ADGRE2: variants seen among roughly 807,000 people sequenced by gnomAD.
ADGRE2 encodes CD97 antigen.
Under a neutral mutation model 100.8 loss-of-function variants are expected in ADGRE2, and 83 were observed. That is an observed-to-expected ratio of 0.82 (90% CI 0.69 to 0.99). The LOEUF is 0.99. ADGRE2 is among the 50% of genes least tolerant of loss of function. The pLI is 0.00. For missense variants in ADGRE2, 814 were observed against 1,035.7 expected, an observed-to-expected ratio of 0.79 and a Z score of 2.94; for synonymous variants, 355 against 413.0, an observed-to-expected ratio of 0.86 and a Z score of 1.70.
chr19:14,775,861 A>G (rs541705855), intron 2 of ADGRE2, among the ~76,000 whole-genome samples: 331 of 29,382 alleles, frequency 0.011, no homozygotes, highest in Middle Eastern at 0.074. Flanking sequence ...TCCGCCTCAG[A>G]AAAAAAAAAA....
At chr19:14,746,125 C>T (rs1449461901) in intron 18 of ADGRE2, 107 bp downstream of exon 18, 1 of 661,800 alleles carries the variant, frequency 1.5e-6, no homozygotes, top group Non-Finnish European at 2.7e-6. Context: ...TTTTCTGGGT[C>T]CCTTCAAAAG....
At chr19:14,768,844 G>A in intron 5 of ADGRE2, 1 of 152,516 alleles carries the variant, frequency 6.6e-6, no homozygotes, top group Non-Finnish European at 1.5e-5. Flanking sequence ...GGGGTTGTTG[G>A]CCAGTGGCAG....
At chr19:14,773,025 G>A (rs1372981198) in intron 4 of ADGRE2, among the ~76,000 whole-genome samples, 1 of 137,258 alleles carries the variant, frequency 7.3e-6, no homozygotes, top group East Asian at 2.2e-4. Context: ...GTTGCGGTGA[G>A]CCGAGATCGC....
chr19:14,749,274 TA>T (rs1487706864), intron 16 of ADGRE2, among the ~76,000 whole-genome samples: 1 of 145,214 alleles, frequency 6.9e-6, no homozygotes, highest in Admixed American at 7.0e-5. Flanking sequence ...TAAGGAAGCA[TA>T]TAATTATGCT....
chr19:14,764,388 A>C, intron 11 of ADGRE2, 45 bp downstream of exon 11: 1 of 1,597,956 alleles, frequency 6.3e-7, no homozygotes, highest in Non-Finnish European at 8.6e-7. Context: ...GGAAGGAGAC[A>C]GAAAACATGC....
chr19:14,743,143 T>C (rs1332052178), intron 20 of ADGRE2, among the ~76,000 whole-genome samples: 1 of 152,056 alleles, frequency 6.6e-6, no homozygotes, highest in Non-Finnish European at 1.5e-5. Flanking sequence ...CTTGCTATGT[T>C]GCCCAGGGTC....
At chr19:14,736,929 TTAGA>T (rs2042775734) in intron 20 of ADGRE2, among the ~76,000 whole-genome samples, 5 of 87,688 alleles carry the variant, frequency 5.7e-5, no homozygotes, top group East Asian at 3.9e-4. Context: ...ATATATATAT[TTAGA>T]AATATATATG....
chr19:14,742,199 A>G (rs1268541382), intron 20 of ADGRE2: 1 of 397,266 alleles, frequency 2.5e-6, no homozygotes, highest in African/African-American at 2.1e-5. Flanking sequence ...CAGGTTGCCC[A>G]GTGTGTTTTT....
At chr19:14,748,786 G>C (rs1450728444) in intron 16 of ADGRE2, among the ~76,000 whole-genome samples, 1 of 152,098 alleles carries the variant, frequency 6.6e-6, no homozygotes, top group East Asian at 1.9e-4. Flanking sequence ...AATCTTCTAC[G>C]AGGCCAGTGT....
chr19:14,729,856 A>T (rs55678034), downstream of ADGRE2, among the ~76,000 whole-genome samples: 2,207 of 152,304 alleles, frequency 0.014, 18 homozygotes, highest in Non-Finnish European at 0.02. Flanking sequence ...ACATCCATTA[A>T]ACATCATGTT....
At position 14,765,817 on chromosome 19, in the gene ADGRE2, A is replaced by C; in HGVS notation, c.635-13T>G. On this transcript the variant is annotated splice_polypyrimidine_tract_variant and intron_variant, in intron 7 of 20. Coordinates refer to ENST00000315576, the MANE Select transcript of ADGRE2 (RefSeq NM_013447.4). ...CACTCGTCCACATCTGAGGACAGGA[A>C]GAAGGGGGTCAGGTCCTGTCCCAGC... 3 of 1,612,168 alleles carry C rather than the reference A, an allele frequency of 1.9e-6. No homozygotes were observed. The highest frequency in any genetic ancestry group is 1.7e-6 in the Non-Finnish European group (2 of 1,178,584).
In ADGRE2 at chr19:14,776,864, C is replaced by G; in HGVS notation, c.-108G>C. ...TGTGCGGGCTGTCCCGAGGCCAGGACTTTATAAAGGAGGGGGGGCGGACAG... is the reference window on the plus strand; with the variant it reads ...TGTGCGGGCTGTCCCGAGGCCAGGAGTTTATAAAGGAGGGGGGGCGGACAG... On this transcript the variant is annotated 5_prime_UTR_variant, in exon 2 of 21. Coordinates refer to ENST00000315576, the MANE Select transcript of ADGRE2 (RefSeq NM_013447.4). The G allele has an allele frequency of 6.4e-7, 1 of 1,556,178 alleles. No individual in the cohort carries two copies.
At chr19:14,736,847 T>TTCTAAATATA (rs2042767372) in intron 20 of ADGRE2, among the ~76,000 whole-genome samples, 7 of 145,732 alleles carry the variant, frequency 4.8e-5, no homozygotes, top group Non-Finnish European at 9.1e-5. Context: ...ATCTATATAT[T>TTCTAAATATA]TAGAAATATA....
rs757338738 is a variant in ADGRE2 at position 14,773,948 on chromosome 19, C to T, written c.189G>A (p.Glu63=). 36 of 1,614,080 alleles carry T rather than the reference C, an allele frequency of 2.2e-5. No individual in the cohort carries two copies. The highest frequency in any genetic ancestry group is 2.8e-5 in the Non-Finnish European group (33 of 1,180,034). ...SFSEIITTPM[E]TCDDINECAT... is the part of the protein sequence containing the mutation. ...CTCAAGCCTCTGTACCGTCACAAGT[C>T]TCCATGGGGGTGGTGATGATCTCAG... The change falls in exon 4 of 21, where the codon GAG becomes GAA. Residue 63 remains glutamate (E), a synonymous_variant. Coordinates refer to ENST00000315576, the MANE Select transcript of ADGRE2 (RefSeq NM_013447.4).
downstream of ADGRE2, chr19:14,731,344 C>T: frequency 1.4e-6 from 1 of 701,132 alleles, no homozygotes; most frequent in Admixed American, 2.5e-5. Context: ...ACTTCCAGTT[C>T]CGTGACATCC....
At chr19:14,770,536 G>T (rs2044157293) in intron 5 of ADGRE2, among the ~76,000 whole-genome samples, 1 of 152,120 alleles carries the variant, frequency 6.6e-6, no homozygotes, top group Non-Finnish European at 1.5e-5. Context: ...TGTGTAGGTT[G>T]CTGACTACAT....
At chr19:14,725,022 G>A in the ADGRE2 span, among the ~76,000 whole-genome samples, 1 of 152,132 alleles carries the variant, frequency 6.6e-6, no homozygotes, top group Non-Finnish European at 1.5e-5. Context: ...GAGGTTTAAC[G>A]GGCTCACGGT....
intron 1 of ADGRE2, 24 bp downstream of exon 1, chr19:14,778,233 T>C (rs2044499965): frequency 6.6e-6 from 1 of 152,134 alleles, no homozygotes; most frequent in South Asian, 2.1e-4. Flanking sequence ...AAAGCTCTGT[T>C]TCTTCAAAAA....
intron 18 of ADGRE2, among the ~76,000 whole-genome samples, chr19:14,744,245 CA>C (rs35716148): frequency 0.65 from 92,284 of 141,188 alleles, 30,139 homozygotes; most frequent in South Asian, 0.83. Context: ...GACTCTGTCT[CA>C]AAAAAAAAAA....
Sources: allele counts gnomAD v4.1 joint callset (sites outside exome capture counted in the v4.1 genomes callset), GRCh38; gene constraint gnomAD v4.1.1; transcripts MANE v1.5; gene names NCBI Gene and HGNC (gene_info 2026-07-23, HGNC 2026-07-21).